Variants in VPS72 observed in about 807,000 individuals in gnomAD.
VPS72 encodes vacuolar protein sorting 72 homolog.
VPS72 carries 27 observed loss-of-function variants against 38.9 expected under a neutral mutation model. That is an observed-to-expected ratio of 0.69 (90% CI 0.51 to 0.96). VPS72 has a LOEUF of 0.96. VPS72 is among the 40% of genes least tolerant of loss of function. The pLI is 0.00. For missense variants in VPS72, 360 were observed against 479.5 expected, an observed-to-expected ratio of 0.75 and a Z score of 2.33; for synonymous variants, 173 against 186.3, an observed-to-expected ratio of 0.93 and a Z score of 0.58.
At chr1:151,177,473 C>T (rs587715671) in intron 5 of VPS72, among the ~76,000 whole-genome samples, 20 of 151,146 alleles carry the variant, frequency 1.3e-4, no homozygotes, top group Non-Finnish European at 2.4e-4. Context: ...TGGGAACATT[C>T]TGAGGAACGT....
At position 151,177,131 on chromosome 1, in the gene VPS72, A is replaced by G. The variant is rs587768843; in HGVS notation, c.708-100T>C. 19 of 1,277,574 alleles carry G rather than the reference A, an allele frequency of 1.5e-5. No individual in the cohort carries two copies. In the East Asian group the frequency reaches 4.1e-4, roughly 28 times the overall value. 79.1% of individuals were successfully genotyped at this position (1,277,574 alleles called of 1,614,324 possible). ...GCTGGGTGCAGTGGCTCACACCTGTAATTCCAGCACTTTGGGAGGCTGAGG... is the reference window on the plus strand; with the variant it reads ...GCTGGGTGCAGTGGCTCACACCTGTGATTCCAGCACTTTGGGAGGCTGAGG... On this transcript the variant is annotated intron_variant, in intron 5 of 5. Coordinates refer to ENST00000368892, the MANE Select transcript of VPS72 (RefSeq NM_005997.3).
At chr1:151,177,056 C>T in intron 5 of VPS72, 25 bp from the exon 6 acceptor site, 1 of 1,527,504 alleles carries the variant, frequency 6.5e-7, no homozygotes, top group Non-Finnish European at 8.8e-7. Context: ...CAAGGAAAAA[C>T]ACAAAGAGCT....
At chr1:151,180,402 C>T (rs1270671198) in intron 4 of VPS72, among the ~76,000 whole-genome samples, 3 of 151,986 alleles carry the variant, frequency 2.0e-5, no homozygotes, top group Non-Finnish European at 4.4e-5. Flanking sequence ...ACTGCTTTCT[C>T]TCCTTTGAGC....
At chr1:151,183,027 G>C (rs958409219) in intron 4 of VPS72, among the ~76,000 whole-genome samples, 2 of 152,096 alleles carry the variant, frequency 1.3e-5, no homozygotes, top group Non-Finnish European at 2.9e-5. Flanking sequence ...TGCATGAATT[G>C]CTCACAAACT....
At position 151,190,125 on chromosome 1, in the gene VPS72, G is replaced by C. The variant is rs1395529365; in HGVS notation, c.-4C>G. The C allele has an allele frequency of 6.8e-6, 11 of 1,612,476 alleles. No individual in the cohort carries two copies. The highest frequency in any genetic ancestry group is 1.1e-5 in the South Asian group (1 of 91,070). ...CCCGGCCCCCAGCCAAACTCATACC[G>C]CCTACCGAGACTGCGCCGCCACCTG... On this transcript the variant is annotated 5_prime_UTR_variant, in exon 1 of 6. Coordinates refer to ENST00000368892, the MANE Select transcript of VPS72 (RefSeq NM_005997.3).
chr1:151,181,336 C>A (rs1219912584), intron 4 of VPS72, among the ~76,000 whole-genome samples: 1 of 150,752 alleles, frequency 6.6e-6, no homozygotes, highest in African/African-American at 2.4e-5. Flanking sequence ...CTCCCGGGTT[C>A]AAGTGATTCT....
At chr1:151,188,808 A>G (rs1684403213) in intron 1 of VPS72, among the ~76,000 whole-genome samples, 1 of 151,992 alleles carries the variant, frequency 6.6e-6, no homozygotes, top group South Asian at 2.1e-4. Context: ...ACACTCTTAC[A>G]CCTTGTTTTA....
At chr1:151,177,842 CAA>C (rs371399234) in intron 5 of VPS72, among the ~76,000 whole-genome samples, 157 bp downstream of exon 5, 7 of 125,980 alleles carry the variant, frequency 5.6e-5, no homozygotes, top group Non-Finnish European at 3.4e-5. Flanking sequence ...CATCATGTCT[CAA>C]AAAAAAAAAA....
intron 1 of VPS72, among the ~76,000 whole-genome samples, chr1:151,187,389 A>T (rs997969921): frequency 6.6e-6 from 1 of 152,202 alleles, no homozygotes; most frequent in African/African-American, 2.4e-5. Flanking sequence ...TCAATTTTGC[A>T]CTGATGACCA....
At chr1:151,177,064 G>C (rs767133761) in intron 5 of VPS72, 33 bp from the exon 6 acceptor site, 1 of 1,519,148 alleles carries the variant, frequency 6.6e-7, no homozygotes, top group Non-Finnish European at 8.8e-7. Flanking sequence ...AACACAAAGA[G>C]CTGAGGAGAG....
rs1221774863 is a variant in VPS72 at position 151,182,362 on chromosome 1, GC to G, written c.562+1954del. Among the ~76,000 whole-genome samples the G allele has an allele frequency of 5.3e-5, 8 of 152,170 alleles. No individual in the cohort carries two copies. In the South Asian group the frequency reaches 1.5e-3, roughly 28 times the overall value. On this transcript the variant is annotated intron_variant, in intron 4 of 5. Transcript: ENST00000368892. ...TTCTTTCTCCCTTCCCCCATCTGAA[GC>G]CAATTCCTCCACCATGCTGCTCTGG...
intron 3 of VPS72, among the ~76,000 whole-genome samples, 156 bp from the exon 4 acceptor site, chr1:151,184,649 G>A (rs762178783): frequency 2.7e-5 from 4 of 150,226 alleles, no homozygotes; most frequent in East Asian, 3.9e-4. Context: ...ACAGTGGCAC[G>A]ATCTCGGCTC....
At chr1:151,177,521 G>A (rs193019323) in intron 5 of VPS72, among the ~76,000 whole-genome samples, 1 of 151,952 alleles carries the variant, frequency 6.6e-6, no homozygotes, top group Admixed American at 6.6e-5. Context: ...TAGGCTAGAA[G>A]GAAAAACAGG....
At chr1:151,189,897 T>C in intron 1 of VPS72, 108 bp downstream of exon 1, 2 of 1,282,974 alleles carry the variant, frequency 1.6e-6, no homozygotes, top group East Asian at 2.3e-5. Context: ...GAGTATCAGC[T>C]CCCAGAGCTC....
chr1:151,185,794 G>A lies in VPS72; in HGVS notation c.270+4C>T. On this transcript the variant is annotated splice_donor_region_variant and intron_variant, in intron 2 of 5. Coordinates refer to ENST00000368892, the MANE Select transcript of VPS72 (RefSeq NM_005997.3). The stretch of plus-strand genomic sequence containing the variant: ...ATCCAAGACAACTAGGACTCCCCCT[G>A]TACCTTATAGGCCTTGGTGACTACT... The A allele has an allele frequency of 1.2e-6, 2 of 1,614,122 alleles. No individual in the cohort carries two copies. Among genetic ancestry groups the A allele is most frequent in the East Asian group, 2.2e-5 (1 of 44,882 alleles).
chr1:151,184,242 T>C (rs1684298936), intron 4 of VPS72, 75 bp downstream of exon 4: 1 of 1,548,680 alleles, frequency 6.5e-7, no homozygotes, highest in Admixed American at 1.9e-5. Flanking sequence ...TCCAGTTCTT[T>C]GGTCCTCCAG....
chr1:151,189,798 T>C (rs1373480918), intron 1 of VPS72, among the ~76,000 whole-genome samples: 1 of 152,070 alleles, frequency 6.6e-6, no homozygotes, highest in Non-Finnish European at 1.5e-5. Context: ...CTCAGGCCCC[T>C]TTGACCCCAT....
intron 4 of VPS72, 98 bp downstream of exon 4, chr1:151,184,219 A>C (rs587745973): frequency 1.4e-5 from 21 of 1,485,834 alleles, no homozygotes; most frequent in Admixed American, 2.1e-5. Flanking sequence ...CCATCATCCC[A>C]AATTTCCATC....
intron 4 of VPS72, among the ~76,000 whole-genome samples, chr1:151,183,371 G>A (rs1313878843): frequency 7.9e-6 from 1 of 125,944 alleles, no homozygotes; most frequent in African/African-American, 3.1e-5. Flanking sequence ...GCAGTGAGCC[G>A]AGATCATACC....
Sources: gnomAD v4.1 joint callset for allele counts (sites outside exome capture counted in the v4.1 genomes callset) on GRCh38, gnomAD v4.1.1 for gene constraint, MANE v1.5 for transcripts, NCBI Gene and HGNC (gene_info 2026-07-23, HGNC 2026-07-21) for gene names.